NTN4: variants seen among roughly 807,000 people sequenced by gnomAD.
NTN4 encodes the protein netrin-4.
NTN4 carries 32 observed loss-of-function variants against 73.6 expected under a neutral mutation model. The observed-to-expected ratio is 0.44, with a 90% CI of 0.33 to 0.58. The LOEUF (loss-of-function observed/expected upper bound fraction) is 0.58, where lower values mean the gene tolerates loss of function less well. Among genes scored for constraint, NTN4 ranks in the 20% least tolerant of loss-of-function variants. The pLI, the probability that NTN4 is intolerant of heterozygous loss-of-function variation, is 0.04. For missense variants in NTN4, 654 were observed against 798.3 expected (o/e 0.82, Z 2.18); for synonymous variants, 258 against 287.5 (o/e 0.90, Z 1.04).
Position 95,683,503 on chromosome 12 carries a change from G to A in NTN4, c.1389C>T (p.Ile463=). Residue 463 remains isoleucine (I), a synonymous_variant, in exon 6 of 10, where the codon ATC becomes ATT. Transcript: ENST00000343702. ...GSCDPITGDC[I]SSHTDIDWYH... ...CAAGAGCCTTGCACATTCACCTGCT[G>A]ATGCAGTCTCCGGTGATAGGGTCAC... The A allele has an allele frequency of 6.2e-7, 1 of 1,613,632 alleles. No homozygotes were observed. Among genetic ancestry groups the A allele is most frequent in the Non-Finnish European group, 8.5e-7 (1 of 1,179,680 alleles).
intron 5 of NTN4, among the ~76,000 whole-genome samples, chr12:95,701,413 C>CA (rs201046454): frequency 2.0e-5 from 3 of 152,098 alleles, no homozygotes; most frequent in Admixed American, 6.6e-5. Context: ...ACTGTCCTTT[C>CA]AAAAATTTTT....
intron 5 of NTN4, among the ~76,000 whole-genome samples, chr12:95,688,121 A>G (rs567186570): frequency 3.2e-4 from 48 of 152,310 alleles, no homozygotes; most frequent in Middle Eastern, 3.4e-3. Flanking sequence ...CACGGTTACA[A>G]TTGAATTTTG....
intron 5 of NTN4, among the ~76,000 whole-genome samples, chr12:95,700,845 C>CG (rs1299434621): frequency 7.5e-6 from 1 of 134,000 alleles, no homozygotes; most frequent in Non-Finnish European, 1.5e-5. Flanking sequence ...ACAGAGTCTC[C>CG]CTCTGTTGCC....
intron 2 of NTN4, among the ~76,000 whole-genome samples, chr12:95,750,207 T>A: frequency 7.9e-6 from 1 of 127,266 alleles, no homozygotes; most frequent in Non-Finnish European, 1.6e-5. Flanking sequence ...CTGTGCCCCA[T>A]CCCTTATTTC....
chr12:95,702,858 G>GTTTTTTTTTTTTTTTTTTTT (rs35050257), intron 5 of NTN4, among the ~76,000 whole-genome samples: 4 of 123,704 alleles, frequency 3.2e-5, no homozygotes, highest in African/African-American at 2.9e-5. Flanking sequence ...TTTTTTTTTG[G>GTTTTTTTTTTTTTTTTTTTT]TTTTTTTTTT....
chr12:95,735,158 G>C (rs989138288), intron 3 of NTN4, among the ~76,000 whole-genome samples: 15 of 152,194 alleles, frequency 9.9e-5, no homozygotes, highest in Admixed American at 8.5e-4. Context: ...CCAAGCTTAG[G>C]GGTGGAAAAA....
At chr12:95,722,113 T>TA (rs2078653026) in intron 3 of NTN4, among the ~76,000 whole-genome samples, 1 of 149,436 alleles carries the variant, frequency 6.7e-6, no homozygotes, top group Non-Finnish European at 1.5e-5. Flanking sequence ...AACTAAGACC[T>TA]AAAGTCAAGT....
rs1454896864 is a variant in NTN4, at chr12:95,725,006, A to AGGATTTTTTTTTTT, written c.865-11669_865-11668insAAAAAAAAAAATCC. Among the ~76,000 whole-genome samples, 617 of 135,708 alleles carry AGGATTTTTTTTTTT rather than the reference A, an allele frequency of 4.5e-3. 23 individuals carry two copies. Among genetic ancestry groups the AGGATTTTTTTTTTT allele is most frequent in the Middle Eastern group, 7.6e-3 (2 of 264 alleles). 89.0% of individuals were successfully genotyped at this position (135,708 alleles called of 152,430 possible). On this transcript the variant is annotated intron_variant, in intron 3 of 9. Coordinates refer to ENST00000343702, the MANE Select transcript of NTN4 (RefSeq NM_021229.4). ...ATCTTAGAACAGTGATGTCATCAGG[A>AGGATTTTTTTTTTT]TTTTTTTTTTTTTTTTGCTTCCCAC...
chr12:95,770,897 G>A (rs2079052435), intron 2 of NTN4, among the ~76,000 whole-genome samples: 1 of 152,186 alleles, frequency 6.6e-6, no homozygotes, highest in African/African-American at 2.4e-5. Context: ...GTGGCAGGAA[G>A]GGGAAGAAGA....
At chr12:95,674,870 G>A (rs759795125) in intron 7 of NTN4, among the ~76,000 whole-genome samples, 1 of 152,208 alleles carries the variant, frequency 6.6e-6, no homozygotes, top group Admixed American at 6.5e-5. Flanking sequence ...GGACATGAGA[G>A]TCTGCAGTCA....
chr12:95,678,240 A>G (rs2367557), intron 7 of NTN4, among the ~76,000 whole-genome samples: 109,320 of 150,898 alleles, frequency 0.72, 39,766 homozygotes, highest in East Asian at 0.83. Context: ...TAATGCGTGC[A>G]GGGCTTAAAA....
At chr12:95,729,624 AGAGAGAGAGT>A (rs1161538924) in intron 3 of NTN4, among the ~76,000 whole-genome samples, 30 of 118,034 alleles carry the variant, frequency 2.5e-4, no homozygotes, top group African/African-American at 1.0e-3. Context: ...AGAGAGAGAG[AGAGAGAGAGT>A]GTGTGTGTGT....
intron 7 of NTN4, among the ~76,000 whole-genome samples, chr12:95,681,188 C>CAAAAAA (rs11366396): frequency 4.2e-5 from 4 of 95,514 alleles, no homozygotes; most frequent in African/African-American, 1.6e-4. Flanking sequence ...GACTTTGTCT[C>CAAAAAA]AAAAAAAAAA....
At chr12:95,726,341 T>G (rs2078693952) in intron 3 of NTN4, among the ~76,000 whole-genome samples, 1 of 152,204 alleles carries the variant, frequency 6.6e-6, no homozygotes, top group Admixed American at 6.5e-5. Flanking sequence ...TTGTCTATTC[T>G]GGGGATTTCA....
At chr12:95,723,553 T>G (rs1269914625) in intron 3 of NTN4, among the ~76,000 whole-genome samples, 1 of 152,192 alleles carries the variant, frequency 6.6e-6, no homozygotes, top group Non-Finnish European at 1.5e-5. Context: ...TCTTACTCTG[T>G]TGCCCAAGCT....
At chr12:95,730,573 T>A (rs565133912) in intron 3 of NTN4, among the ~76,000 whole-genome samples, 1 of 152,222 alleles carries the variant, frequency 6.6e-6, no homozygotes, top group African/African-American at 2.4e-5. Flanking sequence ...TATATCTTAC[T>A]GTGTGGAGAG....
chr12:95,769,902 T>A (rs12298314), intron 2 of NTN4, among the ~76,000 whole-genome samples: 9,524 of 151,904 alleles, frequency 0.063, 707 homozygotes, highest in East Asian at 0.35. Context: ...GATTATAAGC[T>A]TGCGCCACCA....
chr12:95,682,057 C>CTGTTTTT (rs2078320353), intron 7 of NTN4, among the ~76,000 whole-genome samples: 2 of 64,546 alleles, frequency 3.1e-5, no homozygotes, highest in African/African-American at 6.8e-5. Flanking sequence ...ATTCAGTAGG[C>CTGTTTTT]TTTTTTTTTT....
At chr12:95,742,655 G>A (rs2078835191) in intron 2 of NTN4, among the ~76,000 whole-genome samples, 1 of 152,156 alleles carries the variant, frequency 6.6e-6, no homozygotes, top group African/African-American at 2.4e-5. Context: ...GACTCCCTTG[G>A]AACTCGTTCC....
Sources: gnomAD v4.1 joint callset for allele counts (sites outside exome capture counted in the v4.1 genomes callset) on GRCh38, gnomAD v4.1.1 for gene constraint, MANE v1.5 for transcripts, NCBI Gene and HGNC (gene_info 2026-07-23, HGNC 2026-07-21) for gene names.